Variants in CPNE4 observed in about 807,000 individuals in gnomAD.
The protein encoded by CPNE4 is copine-4.
A neutral mutation model predicts 67.9 loss-of-function variants in CPNE4; 25 were observed. That is an observed-to-expected ratio of 0.37 (90% CI 0.27 to 0.51). The LOEUF (loss-of-function observed/expected upper bound fraction) is 0.51. CPNE4 is among the 20% of genes least tolerant of loss of function. The probability of loss-of-function intolerance (pLI) is 0.93; values close to 1 mark genes in which losing one functional copy is unlikely to be tolerated. For missense variants in CPNE4, 464 were observed against 690.8 expected (o/e 0.67, Z 3.68); for synonymous variants, 242 against 244.9 (o/e 0.99, Z 0.11).
chr3:131,615,897 A>T (rs920886655), intron 7 of CPNE4, among the ~76,000 whole-genome samples: 15 of 98,410 alleles, frequency 1.5e-4, no homozygotes, highest in African/African-American at 2.0e-4. Flanking sequence ...TCTCTCACAC[A>T]CACACACACA....
intron 1 of CPNE4, among the ~76,000 whole-genome samples, chr3:131,945,926 G>A (rs1294180886): frequency 2.6e-5 from 4 of 152,210 alleles, no homozygotes; most frequent in African/African-American, 9.7e-5. Flanking sequence ...TCTGAACCAT[G>A]TGTGCTATGT....
Position 131,618,488 on chromosome 3 carries a change from C to T in CPNE4, c.682-30906G>A, listed in dbSNP as rs572041048. ...TGGACACAACTCATTTTCTTGCTTA[C>T]TATCCTTTGGGCTACTGGAAATTGT... On this transcript the variant is annotated intron_variant, in intron 7 of 15. Coordinates refer to ENST00000429747, the MANE Select transcript of CPNE4 (RefSeq NM_130808.3). 7.9e-5 allele frequency among the ~76,000 whole-genome samples: 12 copies of T among 152,258 alleles called. No homozygotes were observed. The South Asian group carries it at 2.1e-3, about 26-fold the overall frequency.
intron 7 of CPNE4, among the ~76,000 whole-genome samples, chr3:131,604,548 G>T (rs527567921): frequency 6.6e-6 from 1 of 152,202 alleles, no homozygotes; most frequent in South Asian, 2.1e-4. Context: ...CTAATCAGCT[G>T]CCAGCAAATA....
intron 5 of CPNE4, among the ~76,000 whole-genome samples, chr3:131,686,693 T>G (rs533584938): frequency 6.6e-6 from 1 of 152,240 alleles, no homozygotes; most frequent in African/African-American, 2.4e-5. Flanking sequence ...CCTTGACAAG[T>G]CTTCAATGCC....
Position 131,833,085 on chromosome 3 carries a change from A to G in CPNE4, c.180+72179T>C, listed in dbSNP as rs1453998557. The stretch of plus-strand genomic sequence containing the variant: ...ATCTATAGCCACGTGAGGACATAGC[A>G]AGAAAGTGCTGTCTATGAATCAGGA... On this transcript the variant is annotated intron_variant, in intron 2 of 15. Transcript: ENST00000429747. 2.0e-5 allele frequency among the ~76,000 whole-genome samples: 3 copies of G among 152,168 alleles called. No individual in the cohort carries two copies. In the East Asian group the frequency reaches 5.8e-4, roughly 29 times the overall value.
intron 1 of CPNE4, among the ~76,000 whole-genome samples, chr3:131,923,032 A>T (rs1031976627): frequency 6.6e-6 from 1 of 152,202 alleles, no homozygotes; most frequent in Non-Finnish European, 1.5e-5. Flanking sequence ...CAAAACCTTT[A>T]AAACAAATAG....
rs545383635 is a variant in CPNE4 at position 131,753,898 on chromosome 3, C to T, written c.181-30273G>A. Among the ~76,000 whole-genome samples, 9 of 152,086 alleles carry T rather than the reference C, an allele frequency of 5.9e-5. No individual in the cohort carries two copies. In the East Asian group the frequency reaches 1.4e-3, roughly 23 times the overall value. On this transcript the variant is annotated intron_variant, in intron 2 of 15. Coordinates refer to ENST00000429747, the MANE Select transcript of CPNE4 (RefSeq NM_130808.3). ...TAAATTTTTTTTTAAATGTTAACTA[C>T]GTCCTCCAACCCAGCAATTCTGTAC...
chr3:131,749,214 A>T (rs78787112), intron 2 of CPNE4, among the ~76,000 whole-genome samples: 13,055 of 152,116 alleles, frequency 0.086, 742 homozygotes, highest in Non-Finnish European at 0.13. Context: ...AGCTTCACCC[A>T]TGGATTATGC....
intron 1 of CPNE4, among the ~76,000 whole-genome samples, chr3:131,959,732 C>G (rs1167565230): frequency 6.6e-6 from 1 of 152,176 alleles, no homozygotes; most frequent in Non-Finnish European, 1.5e-5. Flanking sequence ...TACCAACTCT[C>G]AGTTGCAATT....
intron 1 of CPNE4, among the ~76,000 whole-genome samples, chr3:131,953,937 T>C (rs1223339750): frequency 5.3e-5 from 8 of 152,200 alleles, no homozygotes; most frequent in East Asian, 1.9e-4. Flanking sequence ...TTTGAGGTGA[T>C]TGATATCCTA....
intron 1 of CPNE4, among the ~76,000 whole-genome samples, chr3:131,966,083 C>T (rs2072334339): frequency 6.6e-6 from 1 of 152,200 alleles, no homozygotes; most frequent in Admixed American, 6.5e-5. Flanking sequence ...CAAAACCACA[C>T]AACTACATGG....
intron 6 of CPNE4, among the ~76,000 whole-genome samples, chr3:131,676,914 T>C (rs1458381434): frequency 1.3e-5 from 2 of 152,182 alleles, no homozygotes; most frequent in African/African-American, 4.8e-5. Flanking sequence ...GATTATTGGG[T>C]TGAATGATAG....
intron 6 of CPNE4, among the ~76,000 whole-genome samples, chr3:131,683,544 G>A (rs2080809367): frequency 6.6e-6 from 1 of 152,150 alleles, no homozygotes; most frequent in Non-Finnish European, 1.5e-5. Flanking sequence ...CTCCTCAAGT[G>A]GGAGGGAGGA....
intron 2 of CPNE4, among the ~76,000 whole-genome samples, chr3:131,896,390 A>C (rs1560558288): frequency 6.6e-6 from 1 of 152,238 alleles, no homozygotes; most frequent in South Asian, 2.1e-4. Flanking sequence ...TCTTTAAACC[A>C]ATACTATTAA....
chr3:131,658,433 G>T (rs2221308), intron 7 of CPNE4, among the ~76,000 whole-genome samples: 134,345 of 152,226 alleles, frequency 0.88, 59,365 homozygotes, highest in East Asian at 0.97. Context: ...TTTACTGGAA[G>T]TGTCCAAAAG....
At chr3:131,554,527 A>G (rs1185018846) in intron 12 of CPNE4, among the ~76,000 whole-genome samples, 1 of 152,094 alleles carries the variant, frequency 6.6e-6, no homozygotes, top group Non-Finnish European at 1.5e-5. Flanking sequence ...CCAGTGTGGA[A>G]TACAAGGCAA....
chr3:131,650,788 A>G (rs981691573), intron 7 of CPNE4, among the ~76,000 whole-genome samples: 4 of 150,054 alleles, frequency 2.7e-5, no homozygotes, highest in Non-Finnish European at 5.9e-5. Flanking sequence ...ATTATTGCAT[A>G]AAATTTAAAA....
At chr3:131,726,237 C>T (rs2081996362) in intron 2 of CPNE4, among the ~76,000 whole-genome samples, 1 of 152,226 alleles carries the variant, frequency 6.6e-6, no homozygotes, top group Non-Finnish European at 1.5e-5. Flanking sequence ...TGGTACTTTT[C>T]TTCTAACTTC....
At chr3:131,992,581 G>T (rs1278760613) in intron 1 of CPNE4, among the ~76,000 whole-genome samples, 2 of 135,986 alleles carry the variant, frequency 1.5e-5, no homozygotes, top group Non-Finnish European at 3.3e-5. Flanking sequence ...GAACTTTTGG[G>T]TTAATGCTGG....
Sources: allele counts gnomAD v4.1 joint callset (sites outside exome capture counted in the v4.1 genomes callset), GRCh38; gene constraint gnomAD v4.1.1; transcripts MANE v1.5; gene names NCBI Gene and HGNC (gene_info 2026-07-23, HGNC 2026-07-21).